The following RWDD2A variants were observed in gnomAD, a reference collection of about 807,000 sequenced individuals.
RWDD2A encodes the protein RWD domain-containing protein 2A.
A neutral mutation model predicts 23.1 loss-of-function variants in RWDD2A; 15 were observed. The observed-to-expected ratio is 0.65, with a 90% CI of 0.43 to 1.00. The LOEUF (loss-of-function observed/expected upper bound fraction) is 1.00, where lower values mean the gene tolerates loss of function less well. Ranked by LOEUF, RWDD2A falls within the 50% of genes least tolerant of loss-of-function variation. RWDD2A has a pLI of 0.00. For missense variants in RWDD2A, 310 were observed against 341.7 expected, an observed-to-expected ratio of 0.91 and a Z score of 0.73; for synonymous variants, 103 against 123.0, an observed-to-expected ratio of 0.84 and a Z score of 1.08.
rs903853117 is a variant in RWDD2A, at chr6:83,197,636, A to G, written c.*1364A>G. 3 of 152,242 alleles carry G rather than the reference A, an allele frequency of 2.0e-5. No homozygotes were observed. The highest frequency in any genetic ancestry group is 7.2e-5 in the African/African-American group (3 of 41,442). 9.4% of individuals were successfully genotyped at this position (152,242 alleles called of 1,614,324 possible). A position where few individuals can be genotyped will look rare whatever the true frequency, so the allele number is the denominator to read the frequency against. ...TCCTACTGGGTCCTCTCAAGATGCC[A>G]AAGCTTGGTGCTGGGATTTAGGAAC... On this transcript the variant is annotated 3_prime_UTR_variant, in exon 3 of 3. Coordinates refer to ENST00000369724, the MANE Select transcript of RWDD2A (RefSeq NM_033411.5).
At position 83,197,644 on chromosome 6, in the gene RWDD2A, G is replaced by A. The variant is rs1240941786; in HGVS notation, c.*1372G>A. On this transcript the variant is annotated 3_prime_UTR_variant, in exon 3 of 3. Coordinates refer to ENST00000369724, the MANE Select transcript of RWDD2A (RefSeq NM_033411.5). Reference sequence around the variant, plus strand: ...GGTCCTCTCAAGATGCCAAAGCTTGGTGCTGGGATTTAGGAACACATCCTG... The same window carrying A: ...GGTCCTCTCAAGATGCCAAAGCTTGATGCTGGGATTTAGGAACACATCCTG... 6.6e-6 allele frequency: 1 copy of A among 152,248 alleles called. No individual in the cohort carries two copies. Among genetic ancestry groups the A allele is most frequent in the African/African-American group, 2.4e-5 (1 of 41,438 alleles). 9.4% of individuals were successfully genotyped at this position (152,248 alleles called of 1,614,324 possible).
chr6:83,196,322 G>A lies in RWDD2A; in HGVS notation c.*50G>A. ...GTAATTTCACTAAGTCAGTATTTCT[G>A]TTAATAAGACCAAATTAAAAAGGCT... is the stretch of plus-strand genomic sequence containing the variant. On this transcript the variant is annotated 3_prime_UTR_variant, in exon 3 of 3. Coordinates refer to ENST00000369724, the MANE Select transcript of RWDD2A (RefSeq NM_033411.5). 1 of 1,433,642 alleles carries A rather than the reference G, an allele frequency of 7.0e-7. No homozygotes were observed. The highest frequency in any genetic ancestry group is 9.3e-7 in the Non-Finnish European group (1 of 1,070,068). The allele number at this position is 1,433,642 out of a possible 1,614,324, so 88.8% of individuals were successfully genotyped here. A position where few individuals can be genotyped will look rare whatever the true frequency, so the allele number is the denominator to read the frequency against.
chr6:83,198,241 C>A lies in RWDD2A; in HGVS notation c.*1969C>A, dbSNP rs1789667792. 1 of 152,114 alleles carries A rather than the reference C, an allele frequency of 6.6e-6. No homozygotes were observed. The highest frequency in any genetic ancestry group is 2.4e-5 in the African/African-American group (1 of 41,406). The allele number at this position is 152,114 out of a possible 1,614,324, so 9.4% of individuals were successfully genotyped here. On this transcript the variant is annotated 3_prime_UTR_variant, in exon 3 of 3. Coordinates refer to ENST00000369724, the MANE Select transcript of RWDD2A (RefSeq NM_033411.5). ...CTTATAGAGGTGTTTTTCCTGATTA[C>A]ATGAGCAAAAGTAGCTACAGAAAGA...
At chr6:83,195,080 T>A (rs943540493) in intron 2 of RWDD2A, among the ~76,000 whole-genome samples, 1 of 152,252 alleles carries the variant, frequency 6.6e-6, no homozygotes, top group East Asian at 1.9e-4. Flanking sequence ...ACCTCCATCT[T>A]CTGATCCATT....
rs746367518 is a variant in RWDD2A at position 83,195,912 on chromosome 6, G to T, written c.519G>T (p.Lys173Asn). ...HHIYQQDLRK[K>N]ILDVGKRLDV... ...TATATCAGCAGGACCTAAGGAAAAA[G>T]ATTTTGGATGTTGGGAAAAGGTTAG... Residue 173 changes from lysine (K) to asparagine (N), a missense_variant, in exon 3 of 3, where the codon AAG (lysine) becomes AAT (asparagine). By Grantham distance (94) the Lys-to-Asn change is moderately conservative. Transcript: ENST00000369724. The T allele has an allele frequency of 3.1e-6, 5 of 1,614,098 alleles. No individual in the cohort carries two copies. The highest frequency in any genetic ancestry group is 2.2e-5 in the South Asian group (2 of 91,084).
Position 83,196,426 on chromosome 6 carries a change from T to C in RWDD2A, c.*154T>C. On this transcript the variant is annotated 3_prime_UTR_variant, in exon 3 of 3. Coordinates refer to ENST00000369724, the MANE Select transcript of RWDD2A (RefSeq NM_033411.5). ...TAACGAATTTCAACTGACAGTGAAA[T>C]GAATAGGCCTTTAAACTTTATAACA... 2.0e-6 allele frequency: 1 copy of C among 501,992 alleles called. No individual in the cohort carries two copies. Among genetic ancestry groups the C allele is most frequent in the Non-Finnish European group, 3.4e-6 (1 of 293,752 alleles). 31.1% of individuals were successfully genotyped at this position (501,992 alleles called of 1,614,324 possible).
At chr6:83,195,535 AT>A in intron 2 of RWDD2A, 59 bp from the exon 3 acceptor site, 1 of 1,391,086 alleles carries the variant, frequency 7.2e-7, no homozygotes. Context: ...TGCAGTTGCT[AT>A]TGATAAACTA....
chr6:83,196,389 AT>A lies in RWDD2A; in HGVS notation c.*121del, dbSNP rs754509109. ...CCTCAGTGCAAAACCCAGCTCCAGAATTTTCACCTGGTAACGAATTTCAACT... is the reference window on the plus strand; with the variant it reads ...CCTCAGTGCAAAACCCAGCTCCAGAATTTCACCTGGTAACGAATTTCAACT... On this transcript the variant is annotated 3_prime_UTR_variant, in exon 3 of 3. Coordinates refer to ENST00000369724, the MANE Select transcript of RWDD2A (RefSeq NM_033411.5). 69 of 721,058 alleles carry A rather than the reference AT, an allele frequency of 9.6e-5. No individual in the cohort carries two copies. Among genetic ancestry groups the A allele is most frequent in the Admixed American group, 6.1e-4 (17 of 27,894 alleles). The allele number at this position is 721,058 out of a possible 1,614,324, so 44.7% of individuals were successfully genotyped here. A position where few individuals can be genotyped will look rare whatever the true frequency, so the allele number is the denominator to read the frequency against.
In RWDD2A at chr6:83,198,203, G is replaced by A. The variant is rs1789666478; in HGVS notation, c.*1931G>A. On this transcript the variant is annotated 3_prime_UTR_variant, in exon 3 of 3. Coordinates refer to ENST00000369724, the MANE Select transcript of RWDD2A (RefSeq NM_033411.5). Reference sequence around the variant, plus strand: ...ACTCCATCCAAATGAATCAATATGTGCCATCAACCTACCTTATAGAGGTGT... The same window carrying A: ...ACTCCATCCAAATGAATCAATATGTACCATCAACCTACCTTATAGAGGTGT... The A allele has an allele frequency of 6.6e-6, 1 of 152,164 alleles. No homozygotes were observed. The highest frequency in any genetic ancestry group is 6.5e-5 in the Admixed American group (1 of 15,276). The allele number at this position is 152,164 out of a possible 1,614,324, so 9.4% of individuals were successfully genotyped here.
At chr6:83,194,785 C>T in intron 2 of RWDD2A, 133 bp downstream of exon 2, 2 of 672,316 alleles carry the variant, frequency 3.0e-6, no homozygotes, top group Non-Finnish European at 5.0e-6. Flanking sequence ...ACGGAATGCT[C>T]TATAAATTGT....
chr6:83,194,401 CAGCGTCCCTG>C lies in RWDD2A; in HGVS notation c.-47_-38del. 1 of 1,555,920 alleles carries C rather than the reference CAGCGTCCCTG, an allele frequency of 6.4e-7. No homozygotes were observed. The highest frequency in any genetic ancestry group is 8.7e-7 in the Non-Finnish European group (1 of 1,147,384). On this transcript the variant is annotated 5_prime_UTR_variant, in exon 2 of 3. Coordinates refer to ENST00000369724, the MANE Select transcript of RWDD2A (RefSeq NM_033411.5). ...GGATACCGGCTGGCATTGACAAACC[CAGCGTCCCTG>C]AGCCTTGTGAGGTTTCCAGGCAGGC...
rs186225550 is a variant in RWDD2A, at chr6:83,194,391, T to C, written c.-61T>C. ...AAATTTCGCTGGATACCGGCTGGCA[T>C]TGACAAACCCAGCGTCCCTGAGCCT... On this transcript the variant is annotated 5_prime_UTR_variant, in exon 2 of 3. Coordinates refer to ENST00000369724, the MANE Select transcript of RWDD2A (RefSeq NM_033411.5). The C allele has an allele frequency of 2.8e-4, 426 of 1,515,144 alleles. 1 individual carries two copies. In the Middle Eastern group the frequency reaches 3.6e-3, roughly 13 times the overall value. The allele number at this position is 1,515,144 out of a possible 1,614,324, so 93.9% of individuals were successfully genotyped here. A position where few individuals can be genotyped will look rare whatever the true frequency, so the allele number is the denominator to read the frequency against.
Position 83,194,581 on chromosome 6 carries a change from T to G in RWDD2A, c.130T>G (p.Leu44Val). ...VNALTNIKRY[L>V]EGTREALPPK... is the part of the protein sequence containing the mutation. ...TGCCCTGACGAATATAAAGAGGTAT[T>G]TGGAAGGCACAAGGGAGGCGCTGCC... The change falls in exon 2 of 3, where the codon TTG (leucine) becomes GTG (valine). Residue 44 changes from leucine (L) to valine (V), a missense_variant. By Grantham distance (32) the Leu-to-Val change is conservative. Transcript: ENST00000369724. The G allele has an allele frequency of 4.3e-6, 7 of 1,614,110 alleles. No individual in the cohort carries two copies. Among genetic ancestry groups the G allele is most frequent in the Non-Finnish European group, 5.9e-6 (7 of 1,180,020 alleles).
Position 83,195,720 on chromosome 6 carries a change from CA to C in RWDD2A, c.328del (p.Ile110Ter). ...TTCTCAACAAAGGTCTCACTTCTTA[CA>C]TAGGGACTTTTGATCCAGGTGAGCT... ...LLLNKGLTSY[I>X]GTFDPGELCV... On this transcript the variant is annotated frameshift_variant, in exon 3 of 3. Coordinates refer to ENST00000369724, the MANE Select transcript of RWDD2A (RefSeq NM_033411.5). LOFTEE classifies it high-confidence loss of function. 1.2e-6 allele frequency: 2 copies of C among 1,614,200 alleles called. No individual in the cohort carries two copies. Among genetic ancestry groups the C allele is most frequent in the Non-Finnish European group, 1.7e-6 (2 of 1,180,032 alleles).
rs753543811 is a variant in RWDD2A at position 83,196,213 on chromosome 6, A to G, written c.820A>G (p.Lys274Glu). ...ATTCTTAGAATTTCTCAAGAAGCACAAAAGTGAGCATGTTTTTCAGATACT... is the reference window on the plus strand; with the variant it reads ...ATTCTTAGAATTTCTCAAGAAGCACGAAAGTGAGCATGTTTTTCAGATACT... ...GQFLEFLKKHKSEHVFQILFG... is the reference protein window; with the variant it reads ...GQFLEFLKKHESEHVFQILFG... The change falls in exon 3 of 3, where the codon AAA becomes GAA. Residue 274 changes from lysine to glutamate, a missense_variant. Coordinates refer to ENST00000369724, the MANE Select transcript of RWDD2A (RefSeq NM_033411.5). 6.2e-7 allele frequency: 1 copy of G among 1,602,552 alleles called. No individual in the cohort carries two copies. Among genetic ancestry groups the G allele is most frequent in the South Asian group, 1.1e-5 (1 of 88,316 alleles).
chr6:83,195,962 G>GA lies in RWDD2A; in HGVS notation c.572dup (p.Pro192AlafsTer14). ...GATGTGACTGGATTTTGCATGACAGGAAAGCCTGGTATAATCTGTGTGGAG... is the reference window on the plus strand; with the variant it reads ...GATGTGACTGGATTTTGCATGACAGGAAAAGCCTGGTATAATCTGTGTGGAG... On this transcript the variant is annotated frameshift_variant, in exon 3 of 3. Coordinates refer to ENST00000369724, the MANE Select transcript of RWDD2A (RefSeq NM_033411.5). LOFTEE classifies it high-confidence loss of function. 1 of 1,614,234 alleles carries GA rather than the reference G, an allele frequency of 6.2e-7. No homozygotes were observed. Among genetic ancestry groups the GA allele is most frequent in the Non-Finnish European group, 8.5e-7 (1 of 1,180,040 alleles).
chr6:83,196,414 C>T lies in RWDD2A; in HGVS notation c.*142C>T. On this transcript the variant is annotated 3_prime_UTR_variant, in exon 3 of 3. Coordinates refer to ENST00000369724, the MANE Select transcript of RWDD2A (RefSeq NM_033411.5). ...ATTTTCACCTGGTAACGAATTTCAACTGACAGTGAAATGAATAGGCCTTTA... is the reference window on the plus strand; with the variant it reads ...ATTTTCACCTGGTAACGAATTTCAATTGACAGTGAAATGAATAGGCCTTTA... 7.3e-6 allele frequency: 4 copies of T among 546,536 alleles called. No individual in the cohort carries two copies. 33.9% of individuals were successfully genotyped at this position (546,536 alleles called of 1,614,324 possible).
In RWDD2A at chr6:83,197,340, T is replaced by C. The variant is rs1479560581; in HGVS notation, c.*1068T>C. 1.3e-5 allele frequency: 2 copies of C among 152,198 alleles called. No individual in the cohort carries two copies. Among genetic ancestry groups the C allele is most frequent in the African/African-American group, 4.8e-5 (2 of 41,452 alleles). 9.4% of individuals were successfully genotyped at this position (152,198 alleles called of 1,614,324 possible). ...TTACCTTATTGGGAAAAAAAAAATC[T>C]AATTCTACAGTCCGATGATGTTACT... On this transcript the variant is annotated 3_prime_UTR_variant, in exon 3 of 3. Coordinates refer to ENST00000369724, the MANE Select transcript of RWDD2A (RefSeq NM_033411.5).
intron 1 of RWDD2A, 43 bp downstream of exon 1, chr6:83,193,486 C>A (rs1419922052): frequency 6.6e-6 from 1 of 152,226 alleles, no homozygotes; most frequent in Non-Finnish European, 1.5e-5. Context: ...CCGAGGGTCG[C>A]GGGCCCTCAG....
Sources: gnomAD v4.1 joint callset for allele counts (sites outside exome capture counted in the v4.1 genomes callset) on GRCh38, gnomAD v4.1.1 for gene constraint, MANE v1.5 for transcripts, NCBI Gene and HGNC (gene_info 2026-07-23, HGNC 2026-07-21) for gene names.